FGF14: variants seen among roughly 807,000 people sequenced by gnomAD.
The protein encoded by FGF14 is fibroblast growth factor 14, also known as fibroblast growth factor homologous factor 4.
In FGF14, 5 loss-of-function variants were observed where a neutral mutation model predicts 25.5. The ratio of observed to expected loss-of-function variants is 0.20; its 90% CI spans 0.10 to 0.41. FGF14 has a LOEUF of 0.41. Among genes scored for constraint, FGF14 ranks in the 10% least tolerant of loss-of-function variants. FGF14 has a pLI of 1.00. For missense variants in FGF14, 222 were observed against 320.1 expected (o/e 0.69, Z 2.34); for synonymous variants, 138 against 118.3 (o/e 1.17, Z -1.08).
chr13:102,334,896 G>C (rs2056746655), intron 1 of FGF14, among the ~76,000 whole-genome samples: 1 of 152,046 alleles, frequency 6.6e-6, no homozygotes, highest in African/African-American at 2.4e-5. Flanking sequence ...GTTGGTAGAG[G>C]CACCCCTCCA....
At chr13:102,085,329 A>T (rs1035993527) in intron 1 of FGF14, among the ~76,000 whole-genome samples, 1 of 152,342 alleles carries the variant, frequency 6.6e-6, no homozygotes. Context: ...ATCCAAGTTC[A>T]TTGAATCTGA....
chr13:102,325,710 C>T (rs865834119), intron 1 of FGF14, among the ~76,000 whole-genome samples: 5 of 152,156 alleles, frequency 3.3e-5, no homozygotes, highest in Non-Finnish European at 2.9e-5. Flanking sequence ...CACTACCATC[C>T]TCGGTCACAC....
intron 1 of FGF14, among the ~76,000 whole-genome samples, chr13:102,187,424 T>C (rs2048921723): frequency 6.6e-6 from 1 of 152,170 alleles, no homozygotes; most frequent in Non-Finnish European, 1.5e-5. Context: ...ATCCTAGAAT[T>C]CCTGATTTGA....
chr13:101,720,530 C>CTGTGTGTGTGTGTG lies in FGF14; in HGVS notation c.*2287_*2300dup, dbSNP rs56200654. On this transcript the variant is annotated 3_prime_UTR_variant, in exon 5 of 5. Coordinates refer to ENST00000376143, the MANE Select transcript of FGF14 (RefSeq NM_004115.4). The stretch of plus-strand genomic sequence containing the variant: ...TAACAAATAGATGGGGGTGTTTGCT[C>CTGTGTGTGTGTGTG]TGTGTGTGTGTGTGTGTGTGTGTGT... The CTGTGTGTGTGTGTG allele has an allele frequency of 1.4e-4, 21 of 147,572 alleles. No individual in the cohort carries two copies. Among genetic ancestry groups the CTGTGTGTGTGTGTG allele is most frequent in the African/African-American group, 5.0e-4 (20 of 39,792 alleles). The allele number at this position is 147,572 out of a possible 1,614,324, so 9.1% of individuals were successfully genotyped here. A position where few individuals can be genotyped will look rare whatever the true frequency, so the allele number is the denominator to read the frequency against.
intron 1 of FGF14, among the ~76,000 whole-genome samples, chr13:101,947,079 A>G (rs964742674): frequency 7.2e-5 from 11 of 152,318 alleles, no homozygotes; most frequent in African/African-American, 2.6e-4. Flanking sequence ...TAGGAAACTT[A>G]TGAAAAAAAT....
At chr13:101,819,841 G>A (rs2042024181) in intron 3 of FGF14, among the ~76,000 whole-genome samples, 1 of 152,150 alleles carries the variant, frequency 6.6e-6, no homozygotes. Context: ...CCTCACTTTT[G>A]CACAGCCATG....
chr13:102,170,972 T>G (rs2048221503), intron 1 of FGF14, among the ~76,000 whole-genome samples: 2 of 152,274 alleles, frequency 1.3e-5, no homozygotes, highest in South Asian at 4.1e-4. Flanking sequence ...CTTTAAAATC[T>G]TTAACAATGA....
intron 1 of FGF14, among the ~76,000 whole-genome samples, chr13:102,343,460 G>A (rs566226974): frequency 2.6e-5 from 4 of 152,154 alleles, no homozygotes; most frequent in African/African-American, 9.7e-5. Flanking sequence ...TTGTTGCAAG[G>A]CCTGCTCAAG....
chr13:101,946,363 CAAAAAAAAAA>C (rs59866034), intron 1 of FGF14, among the ~76,000 whole-genome samples: 104 of 91,948 alleles, frequency 1.1e-3, no homozygotes, highest in African/African-American at 3.3e-3. Flanking sequence ...GCTTCTCCAT[CAAAAAAAAAA>C]AAAAAAAAAA....
intron 1 of FGF14, among the ~76,000 whole-genome samples, chr13:101,888,030 G>A (rs1413243298): frequency 6.6e-6 from 1 of 152,152 alleles, no homozygotes; most frequent in East Asian, 1.9e-4. Flanking sequence ...CCTTTTTCAG[G>A]TAAGGAGATG....
chr13:101,935,090 G>A (rs2139271344), intron 1 of FGF14, among the ~76,000 whole-genome samples: 1 of 152,278 alleles, frequency 6.6e-6, no homozygotes, highest in Admixed American at 6.5e-5. Flanking sequence ...CTCAAAGAAA[G>A]AAAAGTAGGG....
At chr13:102,124,732 G>C (rs2045880262) in intron 1 of FGF14, among the ~76,000 whole-genome samples, 1 of 152,082 alleles carries the variant, frequency 6.6e-6, no homozygotes, top group East Asian at 1.9e-4. Flanking sequence ...TTTTCCTTTT[G>C]TCTTTCTCTA....
At chr13:102,289,064 C>G (rs2054251065) in intron 1 of FGF14, among the ~76,000 whole-genome samples, 1 of 152,070 alleles carries the variant, frequency 6.6e-6, no homozygotes, top group Admixed American at 6.6e-5. Flanking sequence ...CTTACAACAC[C>G]TTCAACATCA....
intron 1 of FGF14, among the ~76,000 whole-genome samples, chr13:101,890,516 A>G (rs1420277106): frequency 1.3e-5 from 2 of 152,182 alleles, no homozygotes; most frequent in Non-Finnish European, 2.9e-5. Context: ...TCATCCCAGA[A>G]AGGCAGAACT....
chr13:101,849,001 C>T (rs879905393), intron 3 of FGF14, among the ~76,000 whole-genome samples: 18 of 151,898 alleles, frequency 1.2e-4, no homozygotes, highest in South Asian at 2.1e-4. Flanking sequence ...TTTACTTTCT[C>T]GCTCATTTTT....
chr13:101,836,963 G>A (rs964600406), intron 3 of FGF14, among the ~76,000 whole-genome samples: 4 of 152,016 alleles, frequency 2.6e-5, no homozygotes, highest in Admixed American at 2.6e-4. Context: ...AGAATTGATA[G>A]CTGAAGTTTA....
intron 1 of FGF14, among the ~76,000 whole-genome samples, chr13:102,234,768 G>A (rs1278456133): frequency 6.6e-6 from 1 of 152,048 alleles, no homozygotes; most frequent in Non-Finnish European, 1.5e-5. Flanking sequence ...TTACATCTGA[G>A]CTTATGAAAC....
At chr13:101,958,798 G>A (rs1016359774) in intron 1 of FGF14, among the ~76,000 whole-genome samples, 3 of 152,138 alleles carry the variant, frequency 2.0e-5, no homozygotes, top group Non-Finnish European at 2.9e-5. Context: ...ATTTTATAAC[G>A]TTGCCTAAGC....
intron 1 of FGF14, among the ~76,000 whole-genome samples, chr13:102,156,278 C>A (rs1416021389): frequency 3.9e-5 from 6 of 152,062 alleles, no homozygotes; most frequent in African/African-American, 9.7e-5. Context: ...ACTGGCAAAC[C>A]GAATCCAGCA....
Sources: allele counts gnomAD v4.1 joint callset (sites outside exome capture counted in the v4.1 genomes callset), GRCh38; gene constraint gnomAD v4.1.1; transcripts MANE v1.5; gene names NCBI Gene and HGNC (gene_info 2026-07-23, HGNC 2026-07-21).